Variants in CSMD3 observed in about 807,000 individuals in gnomAD.
The protein encoded by CSMD3 is CUB and Sushi multiple domains 3, also known as CUB and sushi domain-containing protein 3.
A neutral mutation model predicts 435.2 loss-of-function variants in CSMD3; 177 were observed. The ratio of observed to expected loss-of-function variants is 0.41; its 90% CI spans 0.36 to 0.46. The LOEUF (loss-of-function observed/expected upper bound fraction) is 0.46. CSMD3 is among the 20% of genes least tolerant of loss of function. The pLI is 0.34. For synonymous variants in CSMD3, 1,656 were observed against 1,520.5 expected (o/e 1.09, Z -2.07); for missense variants, 4,265 against 4,504.6 (o/e 0.95, Z 1.52).
At chr8:113,436,111 G>A (rs1167838169) in intron 1 of CSMD3, among the ~76,000 whole-genome samples, 1 of 152,106 alleles carries the variant, frequency 6.6e-6, no homozygotes, top group Non-Finnish European at 1.5e-5. Context: ...TCCTAGGGAA[G>A]CTCCCCTACA....
chr8:112,253,796 C>A (rs1010741965), intron 63 of CSMD3, among the ~76,000 whole-genome samples: 2 of 152,020 alleles, frequency 1.3e-5, no homozygotes, highest in Non-Finnish European at 2.9e-5. Context: ...CCATTTTAAA[C>A]ACTGACAGCA....
chr8:112,237,707 A>G (rs1813716545), intron 66 of CSMD3, among the ~76,000 whole-genome samples: 1 of 152,112 alleles, frequency 6.6e-6, no homozygotes, highest in South Asian at 2.1e-4. Flanking sequence ...CATGGCAGTA[A>G]AACTATACCC....
intron 38 of CSMD3, among the ~76,000 whole-genome samples, chr8:112,355,214 T>A (rs1826479594): frequency 6.6e-6 from 1 of 152,208 alleles, no homozygotes; most frequent in African/African-American, 2.4e-5. Context: ...ATGGATTAGA[T>A]ATTTAAATGT....
At chr8:112,648,640 C>A (rs534926479) in intron 19 of CSMD3, among the ~76,000 whole-genome samples, 2 of 152,164 alleles carry the variant, frequency 1.3e-5, no homozygotes, top group Non-Finnish European at 2.9e-5. Flanking sequence ...ATGATGAGGG[C>A]CTGTGCTGCT....
chr8:113,005,164 C>A (rs1205330266), intron 6 of CSMD3, among the ~76,000 whole-genome samples: 1 of 151,820 alleles, frequency 6.6e-6, no homozygotes, highest in Non-Finnish European at 1.5e-5. Flanking sequence ...AAAACTACTA[C>A]TGAGTCATTT....
At chr8:113,432,823 A>G (rs544008403) in intron 1 of CSMD3, among the ~76,000 whole-genome samples, 7 of 152,206 alleles carry the variant, frequency 4.6e-5, no homozygotes, top group African/African-American at 1.7e-4. Context: ...AGTCCTGGGA[A>G]CATTAAAGCG....
At chr8:112,740,845 A>T (rs1158937870) in intron 13 of CSMD3, among the ~76,000 whole-genome samples, 1 of 151,932 alleles carries the variant, frequency 6.6e-6, no homozygotes, top group Non-Finnish European at 1.5e-5. Flanking sequence ...CAAAAGTAAG[A>T]GCAACAGGTT....
At chr8:112,289,618 AC>A (rs2130659537) in intron 56 of CSMD3, 80 bp from the exon 57 acceptor site, 1 of 898,722 alleles carries the variant, frequency 1.1e-6, no homozygotes, top group Non-Finnish European at 1.7e-6. Flanking sequence ...TATAGAACAT[AC>A]CAGAAGTAAA....
chr8:113,011,646 T>G (rs1179913068), intron 6 of CSMD3, among the ~76,000 whole-genome samples: 1 of 151,836 alleles, frequency 6.6e-6, no homozygotes, highest in Non-Finnish European at 1.5e-5. Flanking sequence ...ATTATTGACT[T>G]AGATTTTAAA....
intron 5 of CSMD3, among the ~76,000 whole-genome samples, chr8:113,071,978 T>C (rs2131407967): frequency 6.6e-6 from 1 of 151,976 alleles, no homozygotes; most frequent in East Asian, 1.9e-4. Flanking sequence ...GTGTCTTCTT[T>C]AATGTCCTTC....
In CSMD3 at chr8:112,311,086, G is replaced by A. The variant is rs2130814212; in HGVS notation, c.7777C>T (p.Arg2593Cys). 3 of 1,613,884 alleles carry A rather than the reference G, an allele frequency of 1.9e-6. No individual in the cohort carries two copies. The highest frequency in any genetic ancestry group is 2.5e-6 in the Non-Finnish European group (3 of 1,179,924). Residue 2593 changes from arginine to cysteine, a missense_variant, in exon 50 of 71, where the codon CGT becomes TGT. Physicochemically the swap from Arg to Cys is radical, Grantham distance 180 (BLOSUM62 -3). Around this residue, in one of 3 missense-constraint regions of CSMD3, gnomAD observed 3,255 missense variants for 3,380.2 expected, o/e 0.96. Coordinates refer to ENST00000297405, the MANE Select transcript of CSMD3 (RefSeq NM_198123.2). ...CGGAATCCTCGATCACAGGCCCAAC[G>A]GACCACACTGTTAAGCTGCCCACCT... ...QTGGQLNSVV[R>C]WACDRGFRLV...
At chr8:113,405,035 T>C (rs2129682646) in intron 1 of CSMD3, among the ~76,000 whole-genome samples, 1 of 151,642 alleles carries the variant, frequency 6.6e-6, no homozygotes, top group Non-Finnish European at 1.5e-5. Flanking sequence ...GCTAGGATTT[T>C]CAGTGAGTAA....
At chr8:113,433,625 C>T (rs914810909) in intron 1 of CSMD3, among the ~76,000 whole-genome samples, 7 of 152,210 alleles carry the variant, frequency 4.6e-5, no homozygotes, top group Non-Finnish European at 1.0e-4. Flanking sequence ...GGGTGCGCGA[C>T]GCCGCACCCG....
At chr8:112,490,509 T>C (rs1174046785) in intron 31 of CSMD3, among the ~76,000 whole-genome samples, 2 of 152,184 alleles carry the variant, frequency 1.3e-5, no homozygotes, top group East Asian at 1.9e-4. Context: ...ATATTCTTAG[T>C]GAAAGCATAC....
chr8:112,933,801 A>G (rs1419151068), intron 9 of CSMD3, among the ~76,000 whole-genome samples: 1 of 152,112 alleles, frequency 6.6e-6, no homozygotes, highest in Non-Finnish European at 1.5e-5. Flanking sequence ...GTGAGGGGGT[A>G]AAGACAGTTT....
chr8:112,611,579 T>A (rs1368901341), intron 22 of CSMD3, among the ~76,000 whole-genome samples: 1 of 152,220 alleles, frequency 6.6e-6, no homozygotes, highest in Non-Finnish European at 1.5e-5. Flanking sequence ...TTTAGCTGTA[T>A]GCTTTGCTCT....
In CSMD3 at chr8:112,258,806, A is replaced by C. The variant is rs555659561; in HGVS notation, c.9863-3379T>G. On this transcript the variant is annotated intron_variant, in intron 61 of 70. Coordinates refer to ENST00000297405, the MANE Select transcript of CSMD3 (RefSeq NM_198123.2). ...TGTAATCCCAGCACTTTGGGAGGCC[A>C]AGGCGGGCGGATCACAACGTCAGGA... Among the ~76,000 whole-genome samples, 149 of 152,240 alleles carry C rather than the reference A, an allele frequency of 9.8e-4. 1 individual carries two copies. The highest frequency in any genetic ancestry group is 2.8e-3 in the African/African-American group (118 of 41,586).
At chr8:113,175,855 C>G (rs2092339471) in intron 3 of CSMD3, among the ~76,000 whole-genome samples, 1 of 151,990 alleles carries the variant, frequency 6.6e-6, no homozygotes, top group African/African-American at 2.4e-5. Flanking sequence ...CTTCAATTAT[C>G]ATAAAGTTAT....
intron 17 of CSMD3, among the ~76,000 whole-genome samples, chr8:112,662,632 A>G (rs1259685043): frequency 1.3e-5 from 2 of 152,318 alleles, no homozygotes; most frequent in South Asian, 2.1e-4. Flanking sequence ...TCATGTCTAA[A>G]ACACCAAAAG....
Sources: allele counts gnomAD v4.1 joint callset (sites outside exome capture counted in the v4.1 genomes callset), GRCh38; gene constraint gnomAD v4.1.1; regional missense constraint gnomAD v4.1.1; transcripts MANE v1.5; gene names NCBI Gene and HGNC (gene_info 2026-07-23, HGNC 2026-07-21).